Variants in SPATA17 observed in about 807,000 individuals in gnomAD.
The protein encoded by SPATA17 is spermatogenesis-associated protein 17.
A neutral mutation model predicts 62.2 loss-of-function variants in SPATA17; 53 were observed. That is an observed-to-expected ratio of 0.85 (90% confidence interval 0.68 to 1.07). SPATA17 has a LOEUF of 1.07. Ranked by LOEUF, SPATA17 falls within the 50% of genes least tolerant of loss-of-function variation. SPATA17 has a pLI of 0.00. For missense variants in SPATA17, 466 were observed against 425.5 expected (o/e 1.10, Z -0.84); for synonymous variants, 146 against 146.8 (o/e 0.99, Z 0.04).
chr1:217,781,215 C>A (rs1431379569), intron 7 of SPATA17: 1 of 152,112 alleles, frequency 6.6e-6, no homozygotes, highest in Non-Finnish European at 1.5e-5. Flanking sequence ...TGAATCATTT[C>A]TTTTTATTAG....
At chr1:217,865,472 A>C (rs761328674) in intron 10 of SPATA17, among the ~76,000 whole-genome samples, 2 of 152,188 alleles carry the variant, frequency 1.3e-5, no homozygotes, top group African/African-American at 4.8e-5. Flanking sequence ...GATCTTAAAC[A>C]CACACATATT....
intron 3 of SPATA17, among the ~76,000 whole-genome samples, chr1:217,664,745 C>A (rs1670655041): frequency 1.3e-5 from 2 of 151,994 alleles, no homozygotes; most frequent in Non-Finnish European, 2.9e-5. Context: ...GAAATGGGTT[C>A]TTTTATTTAT....
At chr1:217,807,200 G>A (rs1459976733) in intron 9 of SPATA17, among the ~76,000 whole-genome samples, 9 of 144,446 alleles carry the variant, frequency 6.2e-5, no homozygotes, top group Non-Finnish European at 9.1e-5. Context: ...GGAGCTAAAC[G>A]ATGAGTACAC....
chr1:217,845,642 T>G (rs1270655685), intron 9 of SPATA17, among the ~76,000 whole-genome samples: 1 of 152,036 alleles, frequency 6.6e-6, no homozygotes, highest in Non-Finnish European at 1.5e-5. Context: ...AGATTAAAAT[T>G]TCTCTTAAAA....
intron 5 of SPATA17, among the ~76,000 whole-genome samples, chr1:217,685,875 A>G (rs1671204574): frequency 6.6e-6 from 1 of 152,180 alleles, no homozygotes; most frequent in Non-Finnish European, 1.5e-5. Context: ...CAAGAGAAAG[A>G]GTGAGCGAGA....
At chr1:217,815,953 A>C (rs906570496) in intron 9 of SPATA17, among the ~76,000 whole-genome samples, 1 of 152,138 alleles carries the variant, frequency 6.6e-6, no homozygotes, top group Admixed American at 6.6e-5. Flanking sequence ...ATTGCATAGT[A>C]TTAATACTTC....
chr1:217,631,378 C>A lies in SPATA17; in HGVS notation c.-1C>A. On this transcript the variant is annotated 5_prime_UTR_variant, in exon 1 of 11. Transcript: ENST00000366933. ...AGTTGTAAACCCAAGGCCAAGAGAC[C>A]ATGGCCACGTTAGCCCGGCTGCAAG... The A allele has an allele frequency of 1.9e-6, 3 of 1,614,126 alleles. No homozygotes were observed. The East Asian group carries it at 6.7e-5, about 36-fold the overall frequency.
chr1:217,791,015 T>C (rs957668866), intron 8 of SPATA17, among the ~76,000 whole-genome samples: 1 of 152,256 alleles, frequency 6.6e-6, no homozygotes, highest in Admixed American at 6.5e-5. Flanking sequence ...ATTACTGTAT[T>C]ATGATAGAGA....
rs546131510 is a variant in SPATA17 at position 217,721,175 on chromosome 1, G to A, written c.396-20800G>A. ...CCTGCTGGCACTGGCATGGGAGAGGGAAAAACTAGATATCAATTTACTTTG... is the reference window on the plus strand; with the variant it reads ...CCTGCTGGCACTGGCATGGGAGAGGAAAAAACTAGATATCAATTTACTTTG... On this transcript the variant is annotated intron_variant, in intron 5 of 10. Transcript: ENST00000366933. 5.3e-5 allele frequency among the ~76,000 whole-genome samples: 8 copies of A among 152,188 alleles called. No individual in the cohort carries two copies. The East Asian group carries it at 7.7e-4, about 15-fold the overall frequency.
chr1:217,709,154 T>A (rs1045838151), intron 5 of SPATA17, among the ~76,000 whole-genome samples: 1 of 152,114 alleles, frequency 6.6e-6, no homozygotes, highest in Non-Finnish European at 1.5e-5. Context: ...CATTTCCTTA[T>A]TCTGTTTTTC....
intron 5 of SPATA17, among the ~76,000 whole-genome samples, chr1:217,731,174 G>GTAGTCC (rs1365270254): frequency 6.6e-6 from 1 of 151,634 alleles, no homozygotes; most frequent in Admixed American, 6.6e-5. Flanking sequence ...AAATATTAGT[G>GTAGTCC]TAGTGTACCC....
At chr1:217,665,296 G>A (rs1670671145) in intron 3 of SPATA17, 1 of 152,214 alleles carries the variant, frequency 6.6e-6, no homozygotes, top group Non-Finnish European at 1.5e-5. Context: ...AAATACTCAA[G>A]TGTGTTAGTT....
chr1:217,812,603 T>C (rs2102992710), intron 9 of SPATA17, among the ~76,000 whole-genome samples: 1 of 152,304 alleles, frequency 6.6e-6, no homozygotes, highest in African/African-American at 2.4e-5. Context: ...ATTCTTTGTA[T>C]TCATAAATTC....
chr1:217,676,756 G>T (rs1045719409), intron 4 of SPATA17, among the ~76,000 whole-genome samples: 1 of 152,108 alleles, frequency 6.6e-6, no homozygotes, highest in Non-Finnish European at 1.5e-5. Context: ...ATTTCAAGAA[G>T]TGCTGGTGTG....
At chr1:217,641,240 G>A (rs1670055919) in intron 1 of SPATA17, among the ~76,000 whole-genome samples, 1 of 152,088 alleles carries the variant, frequency 6.6e-6, no homozygotes. Context: ...ATCTCAAGGA[G>A]AAAGATCAGC....
chr1:217,696,350 C>G (rs1305703297), intron 5 of SPATA17, among the ~76,000 whole-genome samples: 2 of 152,188 alleles, frequency 1.3e-5, no homozygotes, highest in African/African-American at 4.8e-5. Context: ...CCTGCTTCGG[C>G]TCGCGCACAG....
intron 5 of SPATA17, among the ~76,000 whole-genome samples, chr1:217,696,316 T>C (rs953359082): frequency 3.9e-5 from 6 of 152,298 alleles, no homozygotes; most frequent in African/African-American, 1.4e-4. Flanking sequence ...CCCCTTGAGC[T>C]TCCCAGGTGA....
At chr1:217,643,926 C>T (rs953458635) in intron 1 of SPATA17, among the ~76,000 whole-genome samples, 6 of 151,972 alleles carry the variant, frequency 3.9e-5, no homozygotes, top group South Asian at 2.1e-4. Context: ...CAGGGTTTCA[C>T]CATGTTGGCC....
intron 3 of SPATA17, among the ~76,000 whole-genome samples, chr1:217,651,836 T>C (rs74867932): frequency 6.6e-6 from 1 of 152,322 alleles, no homozygotes; most frequent in Admixed American, 6.5e-5. Context: ...ATACCAGGCA[T>C]GTTGTGTAAT....
Sources: allele counts gnomAD v4.1 joint callset (sites outside exome capture counted in the v4.1 genomes callset), GRCh38; gene constraint gnomAD v4.1.1; transcripts MANE v1.5; gene names NCBI Gene and HGNC (gene_info 2026-07-23, HGNC 2026-07-21).